ZNF846: variants seen among roughly 807,000 people sequenced by gnomAD.
ZNF846 encodes zinc finger protein 420 pseudogene.
In ZNF846, 15 loss-of-function variants were observed where a neutral mutation model predicts 16.0. The observed-to-expected ratio is 0.94, with a 90% CI of 0.63 to 1.45. ZNF846 has a LOEUF of 1.45. Ranked by LOEUF, ZNF846 falls within the 40% of genes most tolerant of loss-of-function variation. The pLI is 0.00. For synonymous variants in ZNF846, 229 were observed against 212.0 expected (o/e 1.08, Z -0.70); for missense variants, 714 against 622.3 (o/e 1.15, Z -1.57).
exon 6 of ZNF846, chr19:9,758,352 A>G (rs754987350): frequency 3.2e-5 from 51 of 1,613,144 alleles, no homozygotes; most frequent in Non-Finnish European, 4.2e-5. Context: ...TCCATGTCCT[A>G]TAAGGTGTGA....
chr19:9,766,726 C>G lies in ZNF846; in HGVS notation c.-86+1563G>C, dbSNP rs147047408. Among the ~76,000 whole-genome samples, 94 of 151,176 alleles carry G rather than the reference C, an allele frequency of 6.2e-4. 1 individual carries two copies. The highest frequency in any genetic ancestry group is 3.5e-3 in the Middle Eastern group (1 of 288). On this transcript the variant is annotated intron_variant, in intron 1 of 5. Transcript: ENST00000397902. ...CCCATCCTGGCCAACATGGTGAAACCCCATCTCTACTAAAAATACAAAAAT... is the reference window on the plus strand; with the variant it reads ...CCCATCCTGGCCAACATGGTGAAACGCCATCTCTACTAAAAATACAAAAAT...
chr19:9,764,825 C>G lies in ZNF846; in HGVS notation c.15+111G>C, dbSNP rs560828429. ...AGAAATTCACCTGGGGAGTTATTTC[C>G]TGAGCAGGACCATCATTTCTTTAAG... On this transcript the variant is annotated intron_variant, in intron 2 of 5. Transcript: ENST00000397902. 10 of 1,315,818 alleles carry G rather than the reference C, an allele frequency of 7.6e-6. No individual in the cohort carries two copies. The Admixed American group carries it at 1.0e-4, about 13-fold the overall frequency. 81.5% of individuals were successfully genotyped at this position (1,315,818 alleles called of 1,614,324 possible).
chr19:9,769,404 A>T (rs1180618069), upstream of ZNF846, among the ~76,000 whole-genome samples: 2 of 151,554 alleles, frequency 1.3e-5, no homozygotes, highest in South Asian at 2.1e-4. Context: ...TTTTATTTTT[A>T]TTTTTTTGTA....
intron 1 of ZNF846, among the ~76,000 whole-genome samples, chr19:9,784,283 C>T (rs2145330673): frequency 6.6e-6 from 1 of 152,208 alleles, no homozygotes; most frequent in South Asian, 2.1e-4. Flanking sequence ...TGTGGCAGGA[C>T]TATAGGGTAA....
At chr19:9,764,617 G>C (rs562840099) in intron 2 of ZNF846, among the ~76,000 whole-genome samples, 8 of 152,260 alleles carry the variant, frequency 5.3e-5, no homozygotes, top group Non-Finnish European at 7.4e-5. Flanking sequence ...GGCACTGTGG[G>C]ACCAGAAGGC....
chr19:9,751,103 C>T (rs190134652), downstream of ZNF846, among the ~76,000 whole-genome samples: 1 of 152,212 alleles, frequency 6.6e-6, no homozygotes, highest in East Asian at 1.9e-4. Context: ...TACCTGTCTT[C>T]CTCCTTCTCT....
At chr19:9,782,905 A>G (rs1361031007) in intron 1 of ZNF846, among the ~76,000 whole-genome samples, 10 of 149,942 alleles carry the variant, frequency 6.7e-5, no homozygotes, top group Admixed American at 1.3e-4. Flanking sequence ...CACTCCATAC[A>G]TAACACTATC....
intron 1 of ZNF846, among the ~76,000 whole-genome samples, chr19:9,782,157 T>C (rs919874092): frequency 2.0e-5 from 3 of 151,998 alleles, no homozygotes; most frequent in East Asian, 1.9e-4. Flanking sequence ...GAATACAGAG[T>C]GATTGCTGAA....
chr19:9,749,540 GTCTT>G (rs1277846275), downstream of ZNF846, among the ~76,000 whole-genome samples: 10 of 139,126 alleles, frequency 7.2e-5, no homozygotes, highest in Non-Finnish European at 1.5e-4. Context: ...ATCCTGATAA[GTCTT>G]TCTTTTTTTT....
intron 3 of ZNF846, among the ~76,000 whole-genome samples, chr19:9,762,697 C>T (rs1000580021): frequency 2.6e-5 from 4 of 152,090 alleles, no homozygotes; most frequent in Non-Finnish European, 5.9e-5. Flanking sequence ...TTTTGGCTTC[C>T]GTGGGCCACA....
intron 1 of ZNF846, among the ~76,000 whole-genome samples, chr19:9,780,048 G>GTTTGTT (rs2045485619): frequency 1.8e-4 from 22 of 124,294 alleles, no homozygotes; most frequent in African/African-American, 7.5e-4. Flanking sequence ...AGCTAATTTT[G>GTTTGTT]TTTTTTTTTT....
Position 9,785,267 on chromosome 19 carries a change from G to C in ZNF846, c.-86+671C>G, listed in dbSNP as rs531708558. Among the ~76,000 whole-genome samples the C allele has an allele frequency of 3.5e-5, 5 of 142,492 alleles. No individual in the cohort carries two copies. The South Asian group carries it at 8.8e-4, about 25-fold the overall frequency. The allele number at this position is 142,492 out of a possible 152,430, so 93.5% of individuals were successfully genotyped here. Reference sequence around the variant, plus strand: ...CACCAGGCTGGAGTGGCCCGATCTCGGCTCACTGCAACTTCCGCCTCCCAG... The same window carrying C: ...CACCAGGCTGGAGTGGCCCGATCTCCGCTCACTGCAACTTCCGCCTCCCAG... On this transcript the variant is annotated intron_variant, in intron 1 of 4. Transcript: ENST00000586814.
exon 6 of ZNF846, chr19:9,752,415 C>G: frequency 2.5e-6 from 1 of 402,804 alleles, no homozygotes; most frequent in South Asian, 1.8e-5. Flanking sequence ...TGACACCAGC[C>G]TGGACAACAT....
intron 4 of ZNF846, among the ~76,000 whole-genome samples, chr19:9,761,660 A>G (rs2045231290): frequency 6.6e-6 from 1 of 151,922 alleles, no homozygotes; most frequent in Admixed American, 6.6e-5. Context: ...GCAGCAAGCC[A>G]AGATCATGTC....
chr19:9,777,154 C>A (rs2045454045), intron 1 of ZNF846, among the ~76,000 whole-genome samples: 1 of 142,432 alleles, frequency 7.0e-6, no homozygotes. Context: ...CACACGCACA[C>A]ACACACACAC....
intron 1 of ZNF846, chr19:9,774,674 G>A: frequency 6.8e-7 from 1 of 1,474,218 alleles, no homozygotes; most frequent in Non-Finnish European, 9.5e-7. Context: ...CTTTCCAGCA[G>A]AGTATCCATT....
At position 9,758,419 on chromosome 19, in the gene ZNF846, G is replaced by A. The variant is rs1421903982; in HGVS notation, c.658C>T (p.His220Tyr). ...CATACATAGTGTTTGTCTCCATTGT[G>A]AGATCTTATATGTAACTTAAGGGAT... Residue 220 changes from histidine to tyrosine, a missense_variant, in exon 6 of 6, where the codon CAC becomes TAC. Physicochemically the swap from His to Tyr is moderately conservative, Grantham distance 83. Coordinates refer to ENST00000397902, the Ensembl canonical transcript of ZNF846. 1 of 1,612,838 alleles carries A rather than the reference G, an allele frequency of 6.2e-7. No individual in the cohort carries two copies. Among genetic ancestry groups the A allele is most frequent in the Non-Finnish European group, 8.5e-7 (1 of 1,179,902 alleles).
upstream of ZNF846, among the ~76,000 whole-genome samples, chr19:9,769,186 G>C (rs1286058187): frequency 1.3e-5 from 2 of 152,140 alleles, no homozygotes; most frequent in African/African-American, 2.4e-5. Context: ...CTGCGCTGAA[G>C]CTATCCTCCC....
At chr19:9,783,763 A>G (rs1474206810) in intron 1 of ZNF846, among the ~76,000 whole-genome samples, 1 of 150,838 alleles carries the variant, frequency 6.6e-6, no homozygotes, top group Non-Finnish European at 1.5e-5. Context: ...ATCACTGTTC[A>G]CCACCACCTC....
Sources: allele counts gnomAD v4.1 joint callset (sites outside exome capture counted in the v4.1 genomes callset), GRCh38; gene constraint gnomAD v4.1.1; transcripts MANE v1.5; gene names NCBI Gene and HGNC (gene_info 2026-07-23, HGNC 2026-07-21).